WASHC3: variants seen among roughly 807,000 people sequenced by gnomAD.
WASHC3 encodes the protein WASH complex subunit 3.
In WASHC3, 24 loss-of-function variants were observed where a neutral mutation model predicts 26.1. That is an observed-to-expected ratio of 0.92 (90% CI 0.66 to 1.29). The LOEUF (loss-of-function observed/expected upper bound fraction) is 1.29. WASHC3 is among the 50% of genes most tolerant of loss of function. The pLI is 0.00. For missense variants in WASHC3, 214 were observed against 229.6 expected (o/e 0.93, Z 0.44); for synonymous variants, 77 against 75.7 (o/e 1.02, Z -0.09).
intron 5 of WASHC3, among the ~76,000 whole-genome samples, chr12:102,028,597 GA>G (rs201002705): frequency 4.0e-5 from 6 of 150,870 alleles, no homozygotes; most frequent in African/African-American, 9.7e-5. Flanking sequence ...GAATGAGGTT[GA>G]AAAAAAAATT....
intron 6 of WASHC3, among the ~76,000 whole-genome samples, chr12:102,024,115 G>C (rs1002740887): frequency 6.6e-6 from 1 of 152,164 alleles, no homozygotes; most frequent in African/African-American, 2.4e-5. Context: ...TACATTCAGG[G>C]AACTGCAAGT....
chr12:102,016,968 A>G (rs1876733647), intron 6 of WASHC3, among the ~76,000 whole-genome samples: 1 of 152,196 alleles, frequency 6.6e-6, no homozygotes. Flanking sequence ...TGTTTATGAA[A>G]TTTACAGTGG....
At chr12:102,062,031 T>A, upstream of WASHC3, 2 of 1,365,324 alleles carry the variant, frequency 1.5e-6, no homozygotes, top group Non-Finnish European at 2.0e-6. Context: ...CCCAACCCGG[T>A]AATCACGTCT....
At chr12:102,020,864 C>T (rs570324519) in intron 6 of WASHC3, among the ~76,000 whole-genome samples, 8 of 152,178 alleles carry the variant, frequency 5.3e-5, no homozygotes, top group African/African-American at 1.7e-4. Flanking sequence ...GGTGGATCAC[C>T]TGAGGTGAGG....
chr12:102,018,940 G>T (rs1271923736), intron 6 of WASHC3, among the ~76,000 whole-genome samples: 3 of 120,436 alleles, frequency 2.5e-5, no homozygotes, highest in Non-Finnish European at 5.7e-5. Context: ...TGGTATTACA[G>T]GCGAGTGCCA....
chr12:102,030,007 TTACTG>T (rs1320936076), intron 5 of WASHC3, among the ~76,000 whole-genome samples: 5 of 152,112 alleles, frequency 3.3e-5, no homozygotes, highest in African/African-American at 1.2e-4. Flanking sequence ...AAAAAATACT[TTACTG>T]AGGCCGGGCG....
At chr12:102,032,702 A>T (rs1594356867) in intron 5 of WASHC3, among the ~76,000 whole-genome samples, 1 of 152,146 alleles carries the variant, frequency 6.6e-6, no homozygotes, top group African/African-American at 2.4e-5. Context: ...GGAACTTCAG[A>T]TCTCATTTTA....
At chr12:102,054,951 C>CA (rs1878534953) in intron 2 of WASHC3, among the ~76,000 whole-genome samples, 1 of 151,530 alleles carries the variant, frequency 6.6e-6, no homozygotes, top group Admixed American at 6.6e-5. Flanking sequence ...AGACCTATAA[C>CA]AAAAAAGATG....
intron 5 of WASHC3, among the ~76,000 whole-genome samples, chr12:102,038,173 A>C (rs960562589): frequency 1.3e-5 from 2 of 152,340 alleles, no homozygotes; most frequent in African/African-American, 4.8e-5. Context: ...AAAAATAAAA[A>C]TTGCAAGTGG....
intron 6 of WASHC3, among the ~76,000 whole-genome samples, chr12:102,013,794 CT>C (rs1876583131): frequency 6.6e-6 from 1 of 152,168 alleles, no homozygotes; most frequent in Admixed American, 6.5e-5. Flanking sequence ...GGCAAAAATA[CT>C]GTTTCAAAGA....
chr12:102,036,476 AAATTT>A (rs1408456187), intron 5 of WASHC3, among the ~76,000 whole-genome samples: 1 of 152,182 alleles, frequency 6.6e-6, no homozygotes, highest in Non-Finnish European at 1.5e-5. Flanking sequence ...CAATAAAATT[AAATTT>A]AACTTGGATG....
At chr12:102,022,789 T>C (rs532846801) in intron 6 of WASHC3, among the ~76,000 whole-genome samples, 1 of 152,334 alleles carries the variant, frequency 6.6e-6, no homozygotes, top group South Asian at 2.1e-4. Flanking sequence ...ACTTTTTTCT[T>C]TTTTTCTAAG....
intron 2 of WASHC3, among the ~76,000 whole-genome samples, chr12:102,056,830 C>T (rs1298865414): frequency 1.3e-5 from 2 of 152,094 alleles, no homozygotes; most frequent in Non-Finnish European, 2.9e-5. Context: ...TGAATTCTAC[C>T]AAACATTTAA....
intron 5 of WASHC3, among the ~76,000 whole-genome samples, chr12:102,039,371 C>G (rs1877840503): frequency 6.6e-6 from 1 of 152,026 alleles, no homozygotes; most frequent in South Asian, 2.1e-4. Context: ...CTTCTGCTAT[C>G]ACAGACAACT....
intron 2 of WASHC3, chr12:102,050,520 A>G (rs1361249583): frequency 2.2e-6 from 1 of 447,770 alleles, no homozygotes. Flanking sequence ...ACACATGCCT[A>G]TAGTCCAAGC....
intron 2 of WASHC3, among the ~76,000 whole-genome samples, chr12:102,056,205 G>A (rs1439849224): frequency 1.3e-5 from 2 of 152,168 alleles, no homozygotes. Flanking sequence ...GGCAATGGTG[G>A]ACTTAATTCT....
intron 5 of WASHC3, among the ~76,000 whole-genome samples, chr12:102,030,700 A>G (rs1249603048): frequency 1.3e-5 from 2 of 152,200 alleles, no homozygotes; most frequent in Non-Finnish European, 2.9e-5. Flanking sequence ...ATTCTCAGCT[A>G]TATGATTATG....
intron 3 of WASHC3, among the ~76,000 whole-genome samples, chr12:102,044,887 T>A (rs1198753234): frequency 6.6e-6 from 1 of 152,190 alleles, no homozygotes. Flanking sequence ...ACAAACCTTC[T>A]TTTCTGAGTT....
intron 6 of WASHC3, among the ~76,000 whole-genome samples, chr12:102,019,961 C>G (rs886395667): frequency 6.6e-6 from 1 of 152,272 alleles, no homozygotes; most frequent in South Asian, 2.1e-4. Flanking sequence ...AGGTTGTCAA[C>G]TAGAATCCTT....
Sources: gnomAD v4.1 joint callset for allele counts (sites outside exome capture counted in the v4.1 genomes callset) on GRCh38, gnomAD v4.1.1 for gene constraint, MANE v1.5 for transcripts, NCBI Gene and HGNC (gene_info 2026-07-23, HGNC 2026-07-21) for gene names.